Variants in SH3KBP1 observed in about 807,000 individuals in gnomAD.
SH3KBP1 encodes the protein SH3 domain-containing kinase-binding protein 1.
Under a neutral mutation model 50.1 loss-of-function variants are expected in SH3KBP1, and 8 were observed. The ratio of observed to expected loss-of-function variants is 0.16; its 90% CI spans 0.09 to 0.29. The LOEUF (loss-of-function observed/expected upper bound fraction) is 0.29. SH3KBP1 is among the 10% of genes least tolerant of loss of function. The probability of loss-of-function intolerance (pLI) is 1.00; values close to 1 mark genes in which losing one functional copy is unlikely to be tolerated. For missense variants in SH3KBP1, 377 were observed against 535.2 expected (o/e 0.70, Z 2.92); for synonymous variants, 227 against 218.6 (o/e 1.04, Z -0.34).
chrX:19,639,027 G>A (rs1352402142), intron 7 of SH3KBP1, among the ~76,000 whole-genome samples: 1 of 111,768 alleles, frequency 8.9e-6, no homozygotes, highest in Non-Finnish European at 1.9e-5. Context: ...GTGGGCAGAG[G>A]CCAGGGATGC....
chrX:19,853,539 G>GA (rs888068622), intron 1 of SH3KBP1, among the ~76,000 whole-genome samples: 5 of 110,947 alleles, frequency 4.5e-5, no homozygotes, highest in African/African-American at 9.8e-5. Context: ...TGCAGACCCA[G>GA]AAAAAAAATG....
intron 12 of SH3KBP1, 107 bp downstream of exon 12, chrX:19,588,536 C>A: frequency 1.7e-6 from 2 of 1,210,671 alleles, no homozygotes; most frequent in Middle Eastern, 2.3e-4. Flanking sequence ...GCTTGAGCAC[C>A]CCCTTCTCCT....
At chrX:19,581,928 A>T (rs1380682920) in intron 12 of SH3KBP1, among the ~76,000 whole-genome samples, 3 of 109,331 alleles carry the variant, frequency 2.7e-5, no homozygotes, top group Non-Finnish European at 5.7e-5. Context: ...TTCTCTCAGT[A>T]TAGCCTCCAG....
intron 3 of SH3KBP1, among the ~76,000 whole-genome samples, chrX:19,710,804 G>T (rs1196876405): frequency 9.0e-6 from 1 of 110,684 alleles, no homozygotes; most frequent in Admixed American, 9.6e-5. Flanking sequence ...ATAAGGGTTC[G>T]TTGATCACAA....
chrX:19,652,317 AGAG>A (rs984202765), intron 6 of SH3KBP1, among the ~76,000 whole-genome samples: 3 of 111,504 alleles, frequency 2.7e-5, no homozygotes, highest in African/African-American at 9.8e-5. Flanking sequence ...TGGTTGCTAT[AGAG>A]AAGAATCTAA....
Position 19,545,791 on chromosome X carries a change from G to A in SH3KBP1, c.1623+131C>T. On this transcript the variant is annotated intron_variant, in intron 15 of 17. Coordinates refer to ENST00000397821, the MANE Select transcript of SH3KBP1 (RefSeq NM_031892.3). ...TGCAACATGCCTTGGGGATTTTGAT[G>A]AGTAACAGAATCGCTGTCACTGAAG... The A allele has an allele frequency of 8.1e-6, 6 of 737,312 alleles. No homozygotes were observed. In the South Asian group the frequency reaches 1.7e-4, roughly 21 times the overall value. 60.8% of individuals were successfully genotyped at this position (737,312 alleles called of 1,213,427 possible). A position where few individuals can be genotyped will look rare whatever the true frequency, so the allele number is the denominator to read the frequency against.
chrX:19,838,288 G>T lies in SH3KBP1; in HGVS notation c.5-2006C>A, dbSNP rs2068116664. Among the ~76,000 whole-genome samples, 5 of 112,384 alleles carry T rather than the reference G, an allele frequency of 4.4e-5. No homozygotes were observed. The South Asian group carries it at 1.8e-3, about 41-fold the overall frequency. On this transcript the variant is annotated intron_variant, in intron 1 of 17. Coordinates refer to ENST00000397821, the MANE Select transcript of SH3KBP1 (RefSeq NM_031892.3). ...GGACACACAGTCAGGGATCCTTTAA[G>T]GGGCAGGAAGCAGCCAGAGGGACAG...
intron 5 of SH3KBP1, among the ~76,000 whole-genome samples, chrX:19,685,109 A>G (rs1383119961): frequency 8.9e-6 from 1 of 112,460 alleles, no homozygotes; most frequent in Non-Finnish European, 1.9e-5. Context: ...CATTTACTAC[A>G]TAACTCCTGA....
chrX:19,662,943 A>G (rs2062498890), intron 6 of SH3KBP1, among the ~76,000 whole-genome samples: 1 of 110,230 alleles, frequency 9.1e-6, no homozygotes, highest in Admixed American at 9.7e-5. Context: ...AATAAAGTCT[A>G]TACTTGGCTG....
intron 1 of SH3KBP1, among the ~76,000 whole-genome samples, chrX:19,876,880 C>T (rs2069270026): frequency 8.9e-6 from 1 of 111,765 alleles, no homozygotes; most frequent in African/African-American, 3.3e-5. Context: ...CCCCAGAAAA[C>T]AGATGAAGAC....
In SH3KBP1 at chrX:19,687,590, T is replaced by C. The variant is rs759015741; in HGVS notation, c.521-3562A>G. 6 of 1,153,062 alleles carry C rather than the reference T, an allele frequency of 5.2e-6. No homozygotes were observed. The South Asian group carries it at 9.0e-5, about 17-fold the overall frequency. On this transcript the variant is annotated intron_variant, in intron 5 of 17. Transcript: ENST00000397821. The stretch of plus-strand genomic sequence containing the variant: ...AAGTACCCAGATCTTATCTTTACAA[T>C]TGCCTTCTGCTGTTAAGGTCACTCA...
At chrX:19,615,727 C>T (rs1289470642) in intron 8 of SH3KBP1, among the ~76,000 whole-genome samples, 1 of 111,383 alleles carries the variant, frequency 9.0e-6, no homozygotes, top group Non-Finnish European at 1.9e-5. Flanking sequence ...AGCCACATAT[C>T]ATGGTTTATA....
chrX:19,587,179 G>A (rs113247022), intron 12 of SH3KBP1, among the ~76,000 whole-genome samples: 78 of 101,271 alleles, frequency 7.7e-4, no homozygotes, highest in African/African-American at 1.8e-3. Context: ...CCGAGATTGC[G>A]CCATTGCACT....
In SH3KBP1 at chrX:19,799,814, G is replaced by A. The variant is rs769585162; in HGVS notation, c.162+36311C>T. The A allele has an allele frequency of 2.4e-4, 267 of 1,096,377 alleles. 1 individual carries two copies. The African/African-American group carries it at 4.6e-3, about 19-fold the overall frequency. 90.4% of individuals were successfully genotyped at this position (1,096,377 alleles called of 1,213,427 possible). A position where few individuals can be genotyped will look rare whatever the true frequency, so the allele number is the denominator to read the frequency against. Reference sequence around the variant, plus strand: ...AAAATTATTCTAAGCATCCTGTCCCGTACCCAACCCGCCTGCCCCTCCCAC... The same window carrying A: ...AAAATTATTCTAAGCATCCTGTCCCATACCCAACCCGCCTGCCCCTCCCAC... On this transcript the variant is annotated intron_variant, in intron 2 of 17. Transcript: ENST00000397821.
Position 19,804,888 on chromosome X carries a change from C to A in SH3KBP1, c.162+31237G>T, listed in dbSNP as rs1368912376. Among the ~76,000 whole-genome samples, 17 of 80,291 alleles carry A rather than the reference C, an allele frequency of 2.1e-4. 1 individual carries two copies. Among genetic ancestry groups the A allele is most frequent in the Admixed American group, 1.9e-3 (14 of 7,238 alleles). 69.7% of individuals were successfully genotyped at this position (80,291 alleles called of 115,157 possible). ...CGCCCCCAGCCCAAACCCTACCCCC[C>A]CCCCCCCACCCGCTGCCATCACAAT... On this transcript the variant is annotated intron_variant, in intron 2 of 17. Coordinates refer to ENST00000397821, the MANE Select transcript of SH3KBP1 (RefSeq NM_031892.3).
chrX:19,880,442 T>A (rs1437739976), intron 1 of SH3KBP1, among the ~76,000 whole-genome samples: 1 of 112,977 alleles, frequency 8.9e-6, no homozygotes, highest in African/African-American at 3.2e-5. Context: ...GGAGACTTAA[T>A]ACAAGAGGAA....
intron 2 of SH3KBP1, among the ~76,000 whole-genome samples, chrX:19,788,574 G>C (rs1248823710): frequency 8.9e-6 from 1 of 111,757 alleles, no homozygotes; most frequent in Non-Finnish European, 1.9e-5. Context: ...AGCAGCACAA[G>C]CAAACTAATA....
At chrX:19,844,936 C>T (rs1049067478) in intron 1 of SH3KBP1, among the ~76,000 whole-genome samples, 5 of 110,734 alleles carry the variant, frequency 4.5e-5, no homozygotes, top group African/African-American at 6.6e-5. Flanking sequence ...AAAAATTAGC[C>T]GGGCGTGGTG....
chrX:19,778,377 G>A (rs2066051610), intron 2 of SH3KBP1, among the ~76,000 whole-genome samples: 1 of 102,381 alleles, frequency 9.8e-6, no homozygotes, highest in Non-Finnish European at 2.0e-5. Flanking sequence ...GTTACAGTGA[G>A]CCGAAATTGT....
Sources: gnomAD v4.1 joint callset for allele counts (sites outside exome capture counted in the v4.1 genomes callset) on GRCh38, gnomAD v4.1.1 for gene constraint, MANE v1.5 for transcripts, NCBI Gene and HGNC (gene_info 2026-07-23, HGNC 2026-07-21) for gene names.